Variants in APBA2 observed in about 807,000 individuals in gnomAD.
The protein encoded by APBA2 is amyloid beta precursor protein binding family A member 2.
In APBA2, 30 loss-of-function variants were observed where a neutral mutation model predicts 75.0. That is an observed-to-expected ratio of 0.40 (90% confidence interval 0.30 to 0.54). APBA2 has a LOEUF of 0.54. Among genes scored for constraint, APBA2 ranks in the 20% least tolerant of loss-of-function variants. The probability of loss-of-function intolerance (pLI) is 0.49; values close to 1 mark genes in which losing one functional copy is unlikely to be tolerated. For synonymous variants in APBA2, 444 were observed against 409.6 expected (o/e 1.08, Z -1.01); for missense variants, 801 against 1,016.1 (o/e 0.79, Z 2.88).
intron 1 of APBA2, among the ~76,000 whole-genome samples, chr15:28,908,246 C>T (rs1461787925): frequency 4.6e-5 from 7 of 152,040 alleles, no homozygotes; most frequent in African/African-American, 1.7e-4. Flanking sequence ...TAGTAAGTCA[C>T]GCCCCTGTCA....
In APBA2 at chr15:29,114,006, C is replaced by T. The variant is rs759806553; in HGVS notation, c.2168C>T (p.Ser723Leu). The T allele has an allele frequency of 6.2e-6, 10 of 1,613,726 alleles. No individual in the cohort carries two copies. Among genetic ancestry groups the T allele is most frequent in the African/African-American group, 1.3e-5 (1 of 74,944 alleles). The change falls in exon 14 of 15, where the codon TCG becomes TTG. Residue 723 changes from serine (S) to leucine (L), a missense_variant. By Grantham distance (145) the Ser-to-Leu change is moderately radical. This residue lies in a region of APBA2 where 367 missense variants were observed against 544.5 expected (regional missense o/e 0.67). Coordinates refer to ENST00000683413, the MANE Select transcript of APBA2 (RefSeq NM_001353788.2). ...AAGATAGTCCAAGCTCTGTCCAACTCGGTCGGAGAGGTAAGGAGGGACTTT... is the reference window on the plus strand; with the variant it reads ...AAGATAGTCCAAGCTCTGTCCAACTTGGTCGGAGAGGTAAGGAGGGACTTT... ...HEKIVQALSN[S>L]VGEIHMKTMP...
At chr15:29,095,500 C>G (rs764276298) in intron 8 of APBA2, among the ~76,000 whole-genome samples, 2 of 152,210 alleles carry the variant, frequency 1.3e-5, no homozygotes, top group Non-Finnish European at 2.9e-5. Flanking sequence ...AATGCTAGAG[C>G]TTTTCCAATC....
At chr15:29,107,598 T>G (rs2044493794) in intron 12 of APBA2, among the ~76,000 whole-genome samples, 1 of 152,148 alleles carries the variant, frequency 6.6e-6, no homozygotes, top group Non-Finnish European at 1.5e-5. Context: ...CGGCAGAGCG[T>G]CTGCCCGATG....
intron 2 of APBA2, among the ~76,000 whole-genome samples, chr15:28,987,766 T>C (rs1440195754): frequency 8.3e-6 from 1 of 121,198 alleles, no homozygotes; most frequent in Non-Finnish European, 1.7e-5. Context: ...TTTTTTTTTT[T>C]TTTTTGAGAT....
chr15:28,931,540 C>A (rs973661283), intron 2 of APBA2, among the ~76,000 whole-genome samples: 2 of 152,172 alleles, frequency 1.3e-5, no homozygotes, highest in Non-Finnish European at 2.9e-5. Context: ...CATCCACTGC[C>A]CTTTTAGCAA....
intron 1 of APBA2, among the ~76,000 whole-genome samples, chr15:28,895,877 C>G (rs1389342978): frequency 1.3e-5 from 2 of 152,050 alleles, no homozygotes; most frequent in South Asian, 4.2e-4. Context: ...TTTGGGAAGC[C>G]GAGGAGGGAG....
chr15:28,926,803 TGG>T, intron 2 of APBA2, among the ~76,000 whole-genome samples: 2 of 151,876 alleles, frequency 1.3e-5, no homozygotes, highest in African/African-American at 4.8e-5. Flanking sequence ...AATGCTAGGT[TGG>T]TGGTTTCTTC....
intron 1 of APBA2, among the ~76,000 whole-genome samples, chr15:28,897,771 A>G (rs1034415808): frequency 9.2e-5 from 14 of 152,180 alleles, no homozygotes; most frequent in South Asian, 8.3e-4. Flanking sequence ...CCAAGCTTAC[A>G]TATACTCTAT....
intron 14 of APBA2, among the ~76,000 whole-genome samples, chr15:29,115,762 C>G (rs2045064567): frequency 6.6e-6 from 1 of 152,180 alleles, no homozygotes; most frequent in South Asian, 2.1e-4. Flanking sequence ...CTGCCGGGAG[C>G]AGGAGCAGCG....
At chr15:28,915,190 C>CACACACCACACACATACCCCAT (rs2033626405) in intron 1 of APBA2, among the ~76,000 whole-genome samples, 1 of 25,302 alleles carries the variant, frequency 4.0e-5, no homozygotes, top group Non-Finnish European at 8.7e-5. Context: ...CCATATATAC[C>CACACACCACACACATACCCCAT]ACACACCACA....
chr15:28,894,458 T>C (rs1342356075), intron 1 of APBA2, among the ~76,000 whole-genome samples: 5 of 152,044 alleles, frequency 3.3e-5, no homozygotes, highest in Non-Finnish European at 1.5e-5. Context: ...GAGAGCCCCA[T>C]GGTAGGTTGG....
chr15:28,907,033 G>A (rs2033166379), intron 1 of APBA2, among the ~76,000 whole-genome samples: 1 of 152,102 alleles, frequency 6.6e-6, no homozygotes. Context: ...TTTACCCTGA[G>A]TTTTGTATCT....
chr15:29,109,887 C>T (rs2044636505), intron 13 of APBA2, among the ~76,000 whole-genome samples: 1 of 152,240 alleles, frequency 6.6e-6, no homozygotes, highest in Non-Finnish European at 1.5e-5. Context: ...GAGGAGGCCC[C>T]GTGGCCCCTG....
chr15:29,026,852 C>CGGAGCTTGCAGTGAGCCG (rs1465007282), intron 3 of APBA2, among the ~76,000 whole-genome samples: 1 of 152,088 alleles, frequency 6.6e-6, no homozygotes, highest in Non-Finnish European at 1.5e-5. Flanking sequence ...AGCCAGGAGG[C>CGGAGCTTGCAGTGAGCCG]GGAGCTTGCA....
chr15:28,910,809 A>T (rs546670982), intron 1 of APBA2, among the ~76,000 whole-genome samples: 1 of 152,182 alleles, frequency 6.6e-6, no homozygotes, highest in Non-Finnish European at 1.5e-5. Flanking sequence ...TTTTATTTTC[A>T]TATCAGTTCT....
rs1476201400 is a variant in APBA2 at position 29,117,361 on chromosome 15, C to A, written c.*228C>A. ...AACAAATGTTTGTTTGTAAAGCGTT[C>A]CAAGTATTTTGCCACGTTCTGGACT... On this transcript the variant is annotated 3_prime_UTR_variant, in exon 15 of 15. Coordinates refer to ENST00000683413, the MANE Select transcript of APBA2 (RefSeq NM_001353788.2). 1.0e-5 allele frequency: 6 copies of A among 592,736 alleles called. No individual in the cohort carries two copies. Among genetic ancestry groups the A allele is most frequent in the Non-Finnish European group, 1.8e-5 (6 of 332,170 alleles). 36.7% of individuals were successfully genotyped at this position (592,736 alleles called of 1,614,324 possible).
chr15:29,110,176 A>C (rs985881923), intron 13 of APBA2, among the ~76,000 whole-genome samples: 5 of 152,124 alleles, frequency 3.3e-5, no homozygotes, highest in Non-Finnish European at 7.4e-5. Context: ...GGGCTACTGC[A>C]CCCCCGACCA....
At chr15:28,890,341 C>T (rs1462128342) in intron 1 of APBA2, among the ~76,000 whole-genome samples, 1 of 152,196 alleles carries the variant, frequency 6.6e-6, no homozygotes, top group Non-Finnish European at 1.5e-5. Context: ...TGCACCCAGG[C>T]GGTCCCTGCT....
chr15:29,098,673 C>T (rs1002562302), intron 9 of APBA2, 97 bp downstream of exon 9: 2 of 1,020,324 alleles, frequency 2.0e-6, no homozygotes, highest in African/African-American at 3.1e-5. Context: ...CAGCTTCTCT[C>T]CTGTGCTCTC....
Sources: allele counts gnomAD v4.1 joint callset (sites outside exome capture counted in the v4.1 genomes callset), GRCh38; gene constraint gnomAD v4.1.1; regional missense constraint gnomAD v4.1.1; transcripts MANE v1.5; gene names NCBI Gene and HGNC (gene_info 2026-07-23, HGNC 2026-07-21).